The following GPR158 variants were observed in gnomAD, a reference collection of about 807,000 sequenced individuals.
GPR158 encodes the protein metabotropic glycine receptor.
GPR158 carries 30 observed loss-of-function variants against 78.2 expected under a neutral mutation model. The ratio of observed to expected loss-of-function variants is 0.38; its 90% confidence interval spans 0.29 to 0.52. GPR158 has a LOEUF of 0.52. Among genes scored for constraint, GPR158 ranks in the 20% least tolerant of loss-of-function variants. The pLI is 0.83. For synonymous variants in GPR158, 581 were observed against 591.1 expected, an observed-to-expected ratio of 0.98 and a Z score of 0.25; for missense variants, 1,463 against 1,523.5, an observed-to-expected ratio of 0.96 and a Z score of 0.66.
At chr10:25,314,843 A>G (rs61431750) in intron 2 of GPR158, among the ~76,000 whole-genome samples, 1 of 120,932 alleles carries the variant, frequency 8.3e-6, no homozygotes, top group Non-Finnish European at 1.7e-5. Context: ...ATATACACGT[A>G]TATACATACA....
chr10:25,178,863 G>A (rs1182130493), intron 1 of GPR158, among the ~76,000 whole-genome samples: 1 of 152,200 alleles, frequency 6.6e-6, no homozygotes, highest in Non-Finnish European at 1.5e-5. Flanking sequence ...CATGTATCAA[G>A]TTTGTAGCAA....
intron 6 of GPR158, among the ~76,000 whole-genome samples, chr10:25,556,343 C>T (rs1249587110): frequency 6.6e-6 from 1 of 152,190 alleles, no homozygotes; most frequent in African/African-American, 2.4e-5. Flanking sequence ...GAAGCAGTTT[C>T]AAAACGGTTT....
At chr10:25,245,598 A>G (rs925605143) in intron 2 of GPR158, among the ~76,000 whole-genome samples, 1 of 152,134 alleles carries the variant, frequency 6.6e-6, no homozygotes, top group African/African-American at 2.4e-5. Context: ...AATCTCCAAG[A>G]TTGTGGTAAA....
intron 4 of GPR158, among the ~76,000 whole-genome samples, chr10:25,453,373 C>A (rs538757272): frequency 6.6e-6 from 1 of 152,248 alleles, no homozygotes; most frequent in South Asian, 2.1e-4. Flanking sequence ...TCCTCCATAT[C>A]TTTTCTAATA....
chr10:25,324,740 T>G (rs933657550), intron 2 of GPR158, among the ~76,000 whole-genome samples: 3 of 152,064 alleles, frequency 2.0e-5, no homozygotes, highest in Non-Finnish European at 4.4e-5. Context: ...AAATGAGGTA[T>G]GCCTCTGCCT....
At chr10:25,560,769 G>C (rs1342537827) in intron 6 of GPR158, among the ~76,000 whole-genome samples, 1 of 152,036 alleles carries the variant, frequency 6.6e-6, no homozygotes, top group Non-Finnish European at 1.5e-5. Flanking sequence ...ATCTATAATA[G>C]TATGCTAAAG....
chr10:25,237,308 T>A (rs1322318860), intron 2 of GPR158, among the ~76,000 whole-genome samples: 1 of 152,224 alleles, frequency 6.6e-6, no homozygotes, highest in Non-Finnish European at 1.5e-5. Flanking sequence ...CCTTCTTGGA[T>A]GTTTAGATTC....
At chr10:25,533,411 A>T (rs567666498) in intron 5 of GPR158, among the ~76,000 whole-genome samples, 10 of 152,280 alleles carry the variant, frequency 6.6e-5, no homozygotes, top group African/African-American at 2.4e-4. Flanking sequence ...TTAAACCATT[A>T]TAGTTGGTTC....
intron 4 of GPR158, among the ~76,000 whole-genome samples, chr10:25,427,285 C>A (rs1044391915): frequency 1.3e-5 from 2 of 152,056 alleles, no homozygotes; most frequent in African/African-American, 2.4e-5. Context: ...TGATAAGGAA[C>A]AATCATTATG....
chr10:25,365,361 T>G (rs112690374), intron 2 of GPR158, among the ~76,000 whole-genome samples: 1,722 of 151,896 alleles, frequency 0.011, 7 homozygotes, highest in Non-Finnish European at 0.016. Flanking sequence ...GTAGGCAGTC[T>G]AGTTCCTGCC....
chr10:25,572,176 C>T (rs143078273), intron 6 of GPR158, among the ~76,000 whole-genome samples: 266 of 152,258 alleles, frequency 1.7e-3, no homozygotes, highest in Non-Finnish European at 2.8e-3. Context: ...GAGAATTTTC[C>T]TTGAAATATT....
At chr10:25,402,758 T>C (rs977714217) in intron 3 of GPR158, among the ~76,000 whole-genome samples, 1 of 151,918 alleles carries the variant, frequency 6.6e-6, no homozygotes, top group Non-Finnish European at 1.5e-5. Flanking sequence ...AGTTATAAAT[T>C]ACAAAATCTA....
chr10:25,310,708 T>G (rs1256778359), intron 2 of GPR158, among the ~76,000 whole-genome samples: 2 of 152,108 alleles, frequency 1.3e-5, no homozygotes, highest in African/African-American at 2.4e-5. Flanking sequence ...GTTTATTGCA[T>G]TTTTTGGACA....
intron 8 of GPR158, among the ~76,000 whole-genome samples, chr10:25,591,765 G>C (rs1315442496): frequency 6.6e-6 from 1 of 151,974 alleles, no homozygotes; most frequent in African/African-American, 2.4e-5. Context: ...TGCCTAGATT[G>C]GATCAGACTG....
At chr10:25,364,942 A>G (rs1336325634) in intron 2 of GPR158, among the ~76,000 whole-genome samples, 1 of 151,796 alleles carries the variant, frequency 6.6e-6, no homozygotes, top group Non-Finnish European at 1.5e-5. Context: ...TGCCATAGAG[A>G]GCATTTAGAA....
chr10:25,488,375 T>C (rs1228811010), intron 5 of GPR158, among the ~76,000 whole-genome samples: 1 of 152,210 alleles, frequency 6.6e-6, no homozygotes, highest in Non-Finnish European at 1.5e-5. Flanking sequence ...ATTCTTTTCA[T>C]AAGGGAGAAG....
intron 2 of GPR158, among the ~76,000 whole-genome samples, chr10:25,353,775 G>A (rs574098949): frequency 6.6e-6 from 1 of 152,152 alleles, no homozygotes; most frequent in South Asian, 2.1e-4. Context: ...TCTGAAGGCA[G>A]CATATAATTG....
At chr10:25,225,183 C>CCTTTTTTTTTTTTTTTTTTTTTT (rs553039231) in intron 2 of GPR158, among the ~76,000 whole-genome samples, 1 of 134,766 alleles carries the variant, frequency 7.4e-6, no homozygotes, top group African/African-American at 2.8e-5. Context: ...GAACATTTGC[C>CCTTTTTTTTTTTTTTTTTTTTTT]TTTTTTTTTT....
chr10:25,515,902 G>A (rs1328679704), intron 5 of GPR158, among the ~76,000 whole-genome samples: 1 of 150,960 alleles, frequency 6.6e-6, no homozygotes, highest in African/African-American at 2.5e-5. Flanking sequence ...GGATGGCTGG[G>A]TTAAATGGTA....
Sources: gnomAD v4.1 joint callset for allele counts (sites outside exome capture counted in the v4.1 genomes callset) on GRCh38, gnomAD v4.1.1 for gene constraint, MANE v1.5 for transcripts, NCBI Gene and HGNC (gene_info 2026-07-23, HGNC 2026-07-21) for gene names.